Variants in NRBF2 observed in about 807,000 individuals in gnomAD.
NRBF2 encodes the protein nuclear receptor-binding factor 2.
NRBF2 carries 12 observed loss-of-function variants against 28.5 expected under a neutral mutation model. The observed-to-expected ratio is 0.42, with a 90% CI of 0.27 to 0.68. The LOEUF is 0.68. Among genes scored for constraint, NRBF2 ranks in the 30% least tolerant of loss-of-function variants. NRBF2 has a pLI of 0.24. For missense variants in NRBF2, 274 were observed against 333.5 expected, an observed-to-expected ratio of 0.82 and a Z score of 1.39; for synonymous variants, 102 against 116.5, an observed-to-expected ratio of 0.88 and a Z score of 0.80.
At chr10:63,143,936 T>G (rs1043790245) in intron 1 of NRBF2, among the ~76,000 whole-genome samples, 3 of 151,862 alleles carry the variant, frequency 2.0e-5, no homozygotes, top group Non-Finnish European at 4.4e-5. Flanking sequence ...TTTTGTATTT[T>G]TTGTAGAGAT....
At chr10:63,150,395 G>C in intron 2 of NRBF2, 1 of 965,596 alleles carries the variant, frequency 1.0e-6, no homozygotes, top group Non-Finnish European at 1.2e-6. Flanking sequence ...AACCAACTCT[G>C]TTTTTTCTTT....
chr10:63,136,094 T>A (rs1841372775), intron 1 of NRBF2, among the ~76,000 whole-genome samples: 1 of 151,936 alleles, frequency 6.6e-6, no homozygotes, highest in African/African-American at 2.4e-5. Context: ...CACTCACAGT[T>A]TTATAAGATG....
intron 2 of NRBF2, among the ~76,000 whole-genome samples, chr10:63,151,730 A>G (rs1841652828): frequency 6.6e-6 from 1 of 152,232 alleles, no homozygotes; most frequent in East Asian, 1.9e-4. Flanking sequence ...CAATTCATTA[A>G]AAGTGATTCT....
Position 63,147,611 on chromosome 10 carries a change from C to CTTT in NRBF2, c.115+1334_115+1336dup, listed in dbSNP as rs56136949. ...ACAGGCGTTAGCCACTGCTCTCAGCCTTTTTTTTTTTTTTTTTTAAGTTCT... is the reference window on the plus strand; with the variant it reads ...ACAGGCGTTAGCCACTGCTCTCAGCCTTTTTTTTTTTTTTTTTTTTTAAGTTCT... On this transcript the variant is annotated intron_variant, in intron 2 of 3. Transcript: ENST00000277746. Among the ~76,000 whole-genome samples, 35 of 134,126 alleles carry CTTT rather than the reference C, an allele frequency of 2.6e-4. 1 individual carries two copies. Among genetic ancestry groups the CTTT allele is most frequent in the African/African-American group, 5.6e-4 (20 of 35,994 alleles). 88.0% of individuals were successfully genotyped at this position (134,126 alleles called of 152,430 possible).
chr10:63,143,465 GT>G (rs111734517), intron 1 of NRBF2, among the ~76,000 whole-genome samples: 9 of 147,540 alleles, frequency 6.1e-5, no homozygotes, highest in East Asian at 2.0e-4. Context: ...GAACAGATTT[GT>G]TTTTTTTTTG....
chr10:63,147,611 CTT>C (rs56136949), intron 2 of NRBF2, among the ~76,000 whole-genome samples: 69 of 134,064 alleles, frequency 5.1e-4, no homozygotes, highest in East Asian at 1.5e-3. Flanking sequence ...TGCTCTCAGC[CTT>C]TTTTTTTTTT....
chr10:63,153,413 TGTTGG>T, intron 3 of NRBF2, 93 bp from the exon 4 acceptor site: 1 of 882,000 alleles, frequency 1.1e-6, no homozygotes, highest in Non-Finnish European at 1.7e-6. Flanking sequence ...AAATTGTAAG[TGTTGG>T]GTTATTCACA....
intron 3 of NRBF2, among the ~76,000 whole-genome samples, chr10:63,152,698 G>T (rs1000748177): frequency 6.6e-6 from 1 of 152,202 alleles, no homozygotes; most frequent in Non-Finnish European, 1.5e-5. Flanking sequence ...AGTGTTTCAA[G>T]ATACATTTAT....
At chr10:63,138,974 C>G (rs1411041822) in intron 1 of NRBF2, among the ~76,000 whole-genome samples, 2 of 152,068 alleles carry the variant, frequency 1.3e-5, no homozygotes, top group African/African-American at 4.8e-5. Flanking sequence ...CCTCTGCTGC[C>G]TTTTCAGTGC....
At chr10:63,142,780 CT>C (rs781293012) in intron 1 of NRBF2, among the ~76,000 whole-genome samples, 66 of 74,934 alleles carry the variant, frequency 8.8e-4, no homozygotes, top group Admixed American at 1.7e-3. Context: ...TTCTTTCTTT[CT>C]TTTTTTTTTT....
chr10:63,143,217 G>T (rs1319236221), intron 1 of NRBF2, among the ~76,000 whole-genome samples: 1 of 152,216 alleles, frequency 6.6e-6, no homozygotes, highest in Non-Finnish European at 1.5e-5. Flanking sequence ...CTTTAAGATT[G>T]TTGCTTCTTT....
chr10:63,136,124 C>CT (rs11334549), intron 1 of NRBF2, among the ~76,000 whole-genome samples: 71 of 125,004 alleles, frequency 5.7e-4, no homozygotes, highest in African/African-American at 1.8e-3. Context: ...AAAATTCAGA[C>CT]TTTTTTTTTT....
At chr10:63,149,742 C>G (rs1309567386) in intron 2 of NRBF2, among the ~76,000 whole-genome samples, 1 of 152,124 alleles carries the variant, frequency 6.6e-6, no homozygotes, top group Non-Finnish European at 1.5e-5. Flanking sequence ...TATACAATTT[C>G]AAGGTTCTAC....
chr10:63,143,013 T>C (rs1200818446), intron 1 of NRBF2, among the ~76,000 whole-genome samples: 1 of 152,066 alleles, frequency 6.6e-6, no homozygotes, highest in African/African-American at 2.4e-5. Flanking sequence ...ACTCCTGGCC[T>C]TGAGTGATCT....
chr10:63,135,364 C>G (rs1841359225), intron 1 of NRBF2, among the ~76,000 whole-genome samples: 2 of 152,168 alleles, frequency 1.3e-5, no homozygotes, highest in Admixed American at 1.3e-4. Flanking sequence ...TGGTTCAGTT[C>G]TAGTTAGCTT....
intron 2 of NRBF2, among the ~76,000 whole-genome samples, chr10:63,151,503 TAA>T (rs1282884672): frequency 6.6e-6 from 1 of 152,218 alleles, no homozygotes; most frequent in African/African-American, 2.4e-5. Flanking sequence ...GAACTTGACT[TAA>T]GTTTTCTAGC....
rs1841628268 is a variant in NRBF2, at chr10:63,150,284, A to G, written c.116-1866A>G. On this transcript the variant is annotated intron_variant, in intron 2 of 3. Coordinates refer to ENST00000277746, the MANE Select transcript of NRBF2 (RefSeq NM_030759.5). The stretch of plus-strand genomic sequence containing the variant: ...CAGATTTAAACATGAACAAAAGGAA[A>G]AGAAATAGTATGCAGCTGTACAGAC... The G allele has an allele frequency of 1.4e-5, 9 of 646,250 alleles. No homozygotes were observed. In the South Asian group the frequency reaches 4.1e-4, roughly 29 times the overall value. The allele number at this position is 646,250 out of a possible 1,614,324, so 40.0% of individuals were successfully genotyped here. A position where few individuals can be genotyped will look rare whatever the true frequency, so the allele number is the denominator to read the frequency against.
chr10:63,152,511 A>G (rs2132697044), intron 3 of NRBF2, among the ~76,000 whole-genome samples: 1 of 152,366 alleles, frequency 6.6e-6, no homozygotes, highest in East Asian at 1.9e-4. Flanking sequence ...GCTTACAGTC[A>G]GTAAACAGGC....
At chr10:63,143,246 G>A (rs1447792678) in intron 1 of NRBF2, among the ~76,000 whole-genome samples, 2 of 152,134 alleles carry the variant, frequency 1.3e-5, no homozygotes, top group Non-Finnish European at 2.9e-5. Context: ...AATAGAAGTG[G>A]GGAAAAGGCA....
Sources: gnomAD v4.1 joint callset for allele counts (sites outside exome capture counted in the v4.1 genomes callset) on GRCh38, gnomAD v4.1.1 for gene constraint, MANE v1.5 for transcripts, NCBI Gene and HGNC (gene_info 2026-07-23, HGNC 2026-07-21) for gene names.